BNC2: variants seen among roughly 807,000 people sequenced by gnomAD.
BNC2 encodes the protein zinc finger protein basonuclin-2.
BNC2 carries 20 observed loss-of-function variants against 76.3 expected under a neutral mutation model. The observed-to-expected ratio is 0.26, with a 90% CI of 0.18 to 0.38. The LOEUF (loss-of-function observed/expected upper bound fraction) is 0.38, where lower values mean the gene tolerates loss of function less well. BNC2 is among the 10% of genes least tolerant of loss of function. The pLI is 1.00. For synonymous variants in BNC2, 582 were observed against 514.8 expected (o/e 1.13, Z -1.77); for missense variants, 1,382 against 1,399.8 (o/e 0.99, Z 0.20).
intron 3 of BNC2, among the ~76,000 whole-genome samples, chr9:16,705,856 T>G (rs1488546012): frequency 6.6e-6 from 1 of 152,160 alleles, no homozygotes; most frequent in South Asian, 2.1e-4. Flanking sequence ...TCCAGAGAAG[T>G]TGAGAGAAAA....
intron 3 of BNC2, among the ~76,000 whole-genome samples, chr9:16,622,366 A>T (rs1025517281): frequency 6.6e-6 from 1 of 152,318 alleles, no homozygotes; most frequent in African/African-American, 2.4e-5. Flanking sequence ...TAATATTTTT[A>T]ATGTAGACAA....
intron 5 of BNC2, among the ~76,000 whole-genome samples, chr9:16,517,927 T>C (rs1307593963): frequency 1.3e-5 from 2 of 152,148 alleles, no homozygotes; most frequent in Non-Finnish European, 2.9e-5. Flanking sequence ...GAAATGGTAC[T>C]TGGCACAAAT....
At chr9:16,634,794 C>T (rs1009111421) in intron 3 of BNC2, among the ~76,000 whole-genome samples, 7 of 152,176 alleles carry the variant, frequency 4.6e-5, no homozygotes, top group African/African-American at 1.4e-4. Context: ...AACAACCGCG[C>T]CCGGCCCAAA....
intron 5 of BNC2, among the ~76,000 whole-genome samples, chr9:16,465,905 C>T (rs908345374): frequency 6.7e-5 from 10 of 149,652 alleles, no homozygotes; most frequent in African/African-American, 2.0e-4. Flanking sequence ...TGTTTGCAGA[C>T]GACATGACTG....
chr9:16,753,542 G>A (rs1017376044), intron 1 of BNC2, among the ~76,000 whole-genome samples: 13 of 152,186 alleles, frequency 8.5e-5, no homozygotes, highest in Non-Finnish European at 1.5e-4. Context: ...GTGGAGTTGT[G>A]TTCACTATTG....
At chr9:16,685,569 C>G (rs1469015685) in intron 3 of BNC2, 1 of 1,304,162 alleles carries the variant, frequency 7.7e-7, no homozygotes, top group Non-Finnish European at 1.0e-6. Flanking sequence ...TGTGGTATGG[C>G]TCCTCCAGGT....
rs191551176 is a variant in BNC2, at chr9:16,770,760, G to A, written c.4-32275C>T. Among the ~76,000 whole-genome samples, 9 of 152,096 alleles carry A rather than the reference G, an allele frequency of 5.9e-5. No individual in the cohort carries two copies. The East Asian group carries it at 1.7e-3, about 29-fold the overall frequency. On this transcript the variant is annotated intron_variant, in intron 1 of 6. Coordinates refer to ENST00000380672, the MANE Select transcript of BNC2 (RefSeq NM_017637.6). ...CACGCCTGTAGAGCCAGCTACTCAG[G>A]GGCTGAGGTGGGAGAATCGCTTGAA...
At chr9:16,561,330 G>C (rs1461020220) in intron 4 of BNC2, among the ~76,000 whole-genome samples, 2 of 152,084 alleles carry the variant, frequency 1.3e-5, no homozygotes, top group African/African-American at 4.8e-5. Context: ...CTGAAAATTG[G>C]AGATAGAAAC....
chr9:16,591,776 T>C (rs1037727089), intron 3 of BNC2, among the ~76,000 whole-genome samples: 4 of 152,220 alleles, frequency 2.6e-5, no homozygotes, highest in African/African-American at 9.6e-5. Context: ...TGGAAAATTA[T>C]ACCTAAAAGT....
At chr9:16,705,156 G>T (rs1001008200) in intron 3 of BNC2, 1 of 28,442 alleles carries the variant, frequency 3.5e-5, no homozygotes, top group African/African-American at 1.3e-4. Flanking sequence ...CACCCCCACC[G>T]GCCGCCACAC....
At chr9:16,808,479 CTTTTTTT>C (rs768028981) in intron 1 of BNC2, among the ~76,000 whole-genome samples, 4 of 78,718 alleles carry the variant, frequency 5.1e-5, no homozygotes, top group East Asian at 3.3e-4. Flanking sequence ...TCTTGGGCAA[CTTTTTTT>C]TTTTTTTTTT....
At chr9:16,554,452 T>A (rs1311185240) in intron 4 of BNC2, among the ~76,000 whole-genome samples, 1 of 152,162 alleles carries the variant, frequency 6.6e-6, no homozygotes, top group Non-Finnish European at 1.5e-5. Flanking sequence ...TGTCAAAGAG[T>A]TCGGGTTTTC....
intron 1 of BNC2, among the ~76,000 whole-genome samples, chr9:16,762,372 G>A (rs1236060882): frequency 3.3e-5 from 5 of 152,082 alleles, no homozygotes; most frequent in Non-Finnish European, 7.4e-5. Flanking sequence ...ACCCCCAAAT[G>A]TTTTTCTCTT....
chr9:16,492,167 A>C (rs931331153), intron 5 of BNC2, among the ~76,000 whole-genome samples: 2 of 152,344 alleles, frequency 1.3e-5, no homozygotes, highest in South Asian at 2.1e-4. Context: ...AAAAAAACAA[A>C]AACAATCCTG....
intron 5 of BNC2, among the ~76,000 whole-genome samples, chr9:16,486,119 G>T (rs899601334): frequency 2.0e-5 from 3 of 152,160 alleles, no homozygotes; most frequent in Admixed American, 6.5e-5. Flanking sequence ...CCCCCGTGCT[G>T]GGAGGCTAAT....
intron 1 of BNC2, among the ~76,000 whole-genome samples, chr9:16,773,052 T>C (rs984145058): frequency 6.6e-6 from 1 of 152,208 alleles, no homozygotes; most frequent in African/African-American, 2.4e-5. Flanking sequence ...ACTGTGTCTA[T>C]AGTGAGTCCT....
At chr9:16,422,670 T>C (rs1820733390) in intron 6 of BNC2, among the ~76,000 whole-genome samples, 1 of 152,198 alleles carries the variant, frequency 6.6e-6, no homozygotes, top group African/African-American at 2.4e-5. Context: ...TTGAAGATTT[T>C]CTCACAAACT....
intron 3 of BNC2, among the ~76,000 whole-genome samples, chr9:16,637,312 A>G (rs759181397): frequency 6.6e-6 from 1 of 152,212 alleles, no homozygotes; most frequent in Non-Finnish European, 1.5e-5. Flanking sequence ...ATGTATTCAG[A>G]ACTAAAGTGA....
At chr9:16,723,967 C>A (rs182707068) in intron 3 of BNC2, among the ~76,000 whole-genome samples, 5 of 152,140 alleles carry the variant, frequency 3.3e-5, no homozygotes, top group Admixed American at 3.3e-4. Context: ...CACAGTTTCA[C>A]AATGAAATTA....
Sources: allele counts gnomAD v4.1 joint callset (sites outside exome capture counted in the v4.1 genomes callset), GRCh38; gene constraint gnomAD v4.1.1; transcripts MANE v1.5; gene names NCBI Gene and HGNC (gene_info 2026-07-23, HGNC 2026-07-21).